UNC5D: variants seen among roughly 807,000 people sequenced by gnomAD.
UNC5D encodes unc-5 netrin receptor D.
In UNC5D, 39 loss-of-function variants were observed where a neutral mutation model predicts 105.4. The ratio of observed to expected loss-of-function variants is 0.37; its 90% CI spans 0.29 to 0.48. UNC5D has a LOEUF of 0.48. Ranked by LOEUF, UNC5D falls within the 20% of genes least tolerant of loss-of-function variation. The pLI is 0.98. For missense variants in UNC5D, 991 were observed against 1,202.4 expected, an observed-to-expected ratio of 0.82 and a Z score of 2.60; for synonymous variants, 452 against 450.4, an observed-to-expected ratio of 1.00 and a Z score of -0.04.
intron 1 of UNC5D, among the ~76,000 whole-genome samples, chr8:35,405,718 T>G (rs1804765166): frequency 6.6e-6 from 1 of 152,180 alleles, no homozygotes; most frequent in South Asian, 2.1e-4. Flanking sequence ...TGAAATCATA[T>G]TATCACAGTT....
At position 35,415,133 on chromosome 8, in the gene UNC5D, C is replaced by T. The variant is rs1484219804; in HGVS notation, c.104-134159C>T. On this transcript the variant is annotated intron_variant, in intron 1 of 16. Coordinates refer to ENST00000404895, the MANE Select transcript of UNC5D (RefSeq NM_080872.4). ...AGGAATTCTGCAGAGAGTATTTTGT[C>T]TCTCCCAACATTATTACAGAAGTTA... Among the ~76,000 whole-genome samples, 3 of 152,042 alleles carry T rather than the reference C, an allele frequency of 2.0e-5. No homozygotes were observed. The East Asian group carries it at 5.8e-4, about 29-fold the overall frequency.
intron 8 of UNC5D, chr8:35,721,598 T>C: frequency 1.5e-6 from 1 of 681,480 alleles, no homozygotes; most frequent in South Asian, 1.6e-5. Flanking sequence ...ACCAAGACCT[T>C]CATATCCCAC....
intron 3 of UNC5D, among the ~76,000 whole-genome samples, chr8:35,573,045 C>T (rs1042626080): frequency 3.9e-4 from 59 of 152,060 alleles, no homozygotes; most frequent in East Asian, 1.9e-4. Flanking sequence ...CCTCGTGATC[C>T]GCCTGCATCA....
At chr8:35,608,296 A>C (rs968764520) in intron 4 of UNC5D, among the ~76,000 whole-genome samples, 4 of 152,202 alleles carry the variant, frequency 2.6e-5, no homozygotes, top group Non-Finnish European at 5.9e-5. Flanking sequence ...TAAAACAGAA[A>C]TTCTCGGCTG....
At chr8:35,723,785 C>A (rs1395082345) in intron 9 of UNC5D, among the ~76,000 whole-genome samples, 1 of 152,070 alleles carries the variant, frequency 6.6e-6, no homozygotes, top group Non-Finnish European at 1.5e-5. Flanking sequence ...TAGACCATAA[C>A]ACTTGAAAAC....
At chr8:35,525,180 G>A in intron 1 of UNC5D, 1 of 1,610,376 alleles carries the variant, frequency 6.2e-7, no homozygotes, top group Non-Finnish European at 8.5e-7. Flanking sequence ...ACGGACTCAG[G>A]ATGACAGGGC....
At chr8:35,787,871 G>A (rs1036533898) in intron 16 of UNC5D, among the ~76,000 whole-genome samples, 2 of 152,022 alleles carry the variant, frequency 1.3e-5, no homozygotes, top group East Asian at 3.9e-4. Context: ...CCTCCCGCCT[G>A]GGCCACCACA....
chr8:35,335,116 G>T (rs774859698), intron 1 of UNC5D, among the ~76,000 whole-genome samples: 21 of 152,164 alleles, frequency 1.4e-4, no homozygotes, highest in Non-Finnish European at 2.9e-4. Flanking sequence ...TGTATCAGTA[G>T]TTTGTTGCTT....
chr8:35,296,641 G>A (rs551534146), intron 1 of UNC5D, among the ~76,000 whole-genome samples: 5 of 152,102 alleles, frequency 3.3e-5, no homozygotes, highest in African/African-American at 9.7e-5. Context: ...GGCTGGTCTC[G>A]AACTCCTGAC....
intron 1 of UNC5D, among the ~76,000 whole-genome samples, chr8:35,341,171 T>G (rs1395111300): frequency 6.6e-6 from 1 of 152,146 alleles, no homozygotes; most frequent in Non-Finnish European, 1.5e-5. Context: ...AACTCTTCTA[T>G]TCATACTGGA....
At chr8:35,705,164 C>G (rs558188554) in intron 7 of UNC5D, among the ~76,000 whole-genome samples, 44 of 152,174 alleles carry the variant, frequency 2.9e-4, no homozygotes, top group African/African-American at 1.1e-3. Context: ...CGGGGTTTCA[C>G]CGTGTTAGCC....
intron 1 of UNC5D, among the ~76,000 whole-genome samples, chr8:35,470,454 T>G (rs981582051): frequency 4.6e-5 from 7 of 151,964 alleles, no homozygotes; most frequent in African/African-American, 1.7e-4. Flanking sequence ...CATGTGTACT[T>G]AGTGCAAAGA....
At chr8:35,701,083 A>T (rs1827166137) in intron 7 of UNC5D, among the ~76,000 whole-genome samples, 1 of 152,242 alleles carries the variant, frequency 6.6e-6, no homozygotes, top group Non-Finnish European at 1.5e-5. Context: ...GTAGGTAAAA[A>T]TACGGGATAT....
Position 35,564,608 on chromosome 8 carries a change from A to G in UNC5D, c.323-3490A>G, listed in dbSNP as rs186262784. Reference sequence around the variant, plus strand: ...GCTTTCTGTCCTAACAAACAAATAAATTAATGGCATTAGAGGTACGAGTGG... The same window carrying G: ...GCTTTCTGTCCTAACAAACAAATAAGTTAATGGCATTAGAGGTACGAGTGG... On this transcript the variant is annotated intron_variant, in intron 2 of 16. Coordinates refer to ENST00000404895, the MANE Select transcript of UNC5D (RefSeq NM_080872.4). 3.3e-4 allele frequency among the ~76,000 whole-genome samples: 51 copies of G among 152,304 alleles called. No homozygotes were observed. The South Asian group carries it at 6.0e-3, about 18-fold the overall frequency.
intron 16 of UNC5D, among the ~76,000 whole-genome samples, chr8:35,782,513 T>G (rs1802550295): frequency 1.3e-5 from 2 of 151,292 alleles, no homozygotes; most frequent in Admixed American, 1.3e-4. Flanking sequence ...TTTTTTTTTT[T>G]TTTTTTTTGA....
At chr8:35,569,926 G>C (rs17352879) in intron 3 of UNC5D, among the ~76,000 whole-genome samples, 26,989 of 151,850 alleles carry the variant, frequency 0.18, 2,521 homozygotes, top group East Asian at 0.27. Flanking sequence ...AGGCCCACAT[G>C]ACCTATACTC....
At chr8:35,454,888 T>A (rs1808383557) in intron 1 of UNC5D, among the ~76,000 whole-genome samples, 1 of 152,164 alleles carries the variant, frequency 6.6e-6, no homozygotes, top group South Asian at 2.1e-4. Context: ...TATGGCAACT[T>A]CCCTTTCCTG....
At chr8:35,544,619 T>TTTTTTTTTTTTTTTTTTTTTTTTTTTA (rs1815516130) in intron 1 of UNC5D, 1 of 1,297,424 alleles carries the variant, frequency 7.7e-7, no homozygotes. Flanking sequence ...TTTTTTTTTT[T>TTTTTTTTTTTTTTTTTTTTTTTTTTTA]TGAGACAGAG....
chr8:35,540,102 G>A (rs1815159094), intron 1 of UNC5D, among the ~76,000 whole-genome samples: 1 of 152,092 alleles, frequency 6.6e-6, no homozygotes. Flanking sequence ...ATAACACTTT[G>A]AAAGCAAAAC....
Sources: gnomAD v4.1 joint callset for allele counts (sites outside exome capture counted in the v4.1 genomes callset) on GRCh38, gnomAD v4.1.1 for gene constraint, MANE v1.5 for transcripts, NCBI Gene and HGNC (gene_info 2026-07-23, HGNC 2026-07-21) for gene names.